The following XKR9 variants were observed in gnomAD, a reference collection of about 807,000 sequenced individuals.
XKR9 encodes XK-related protein 9.
Under a neutral mutation model 32.0 loss-of-function variants are expected in XKR9, and 32 were observed. That is an observed-to-expected ratio of 1.00 (90% confidence interval 0.76 to 1.34). XKR9 has a LOEUF of 1.34. XKR9 is among the 40% of genes most tolerant of loss of function. The probability of loss-of-function intolerance (pLI) is 0.00; values close to 1 mark genes in which losing one functional copy is unlikely to be tolerated. For synonymous variants in XKR9, 168 were observed against 143.4 expected, an observed-to-expected ratio of 1.17 and a Z score of -1.22; for missense variants, 546 against 429.7, an observed-to-expected ratio of 1.27 and a Z score of -2.39.
At chr8:70,768,744 A>G (rs967921817) in intron 2 of XKR9, among the ~76,000 whole-genome samples, 8 of 126,460 alleles carry the variant, frequency 6.3e-5, no homozygotes, top group Non-Finnish European at 1.8e-5. Context: ...ACAGGATTGA[A>G]ACCCCTGCTT....
At chr8:71,038,804 T>A in the XKR9 span, among the ~76,000 whole-genome samples, 1 of 123,008 alleles carries the variant, frequency 8.1e-6, no homozygotes, top group African/African-American at 3.6e-5. Flanking sequence ...TGGATGCTGA[T>A]TTTTTTTTTT....
the XKR9 span, among the ~76,000 whole-genome samples, chr8:71,002,197 G>A: frequency 6.6e-6 from 1 of 151,906 alleles, no homozygotes; most frequent in African/African-American, 2.4e-5. Context: ...AGTAAATGTA[G>A]TTAATTCTAT....
At chr8:70,669,716 G>A (rs1270559856) in intron 1 of XKR9, among the ~76,000 whole-genome samples, 178 bp downstream of exon 1, 3 of 143,254 alleles carry the variant, frequency 2.1e-5, no homozygotes, top group Non-Finnish European at 4.5e-5. Flanking sequence ...GCCCAGGCTG[G>A]AGTGCAGTGG....
the XKR9 span, among the ~76,000 whole-genome samples, chr8:70,932,334 C>T: frequency 3.3e-5 from 5 of 151,986 alleles, no homozygotes; most frequent in Admixed American, 1.3e-4. Flanking sequence ...AATTGCATCT[C>T]AGGAGATTAA....
At position 70,780,319 on chromosome 8, in the gene XKR9, A is replaced by G. The variant is rs549296356; in HGVS notation, n.353-9020A>G. Among the ~76,000 whole-genome samples the G allele has an allele frequency of 8.6e-5, 13 of 151,810 alleles. No homozygotes were observed. In the South Asian group the frequency reaches 2.7e-3, roughly 32 times the overall value. On this transcript the variant is annotated intron_variant and non_coding_transcript_variant, in intron 2 of 3. Coordinates refer to the XKR9 transcript ENST00000520273. ...TCCTAGCTCTTTAAGCTGGATGTTT[A>G]GATAATTTATTTTTGAACATTTATT... is the stretch of plus-strand genomic sequence containing the variant.
the XKR9 span, among the ~76,000 whole-genome samples, chr8:71,027,781 G>GT: frequency 3.0e-5 from 1 of 33,894 alleles, no homozygotes; most frequent in Admixed American, 2.0e-4. Flanking sequence ...TTTTTTGGCG[G>GT]GGGGGGGGGG....
the XKR9 span, among the ~76,000 whole-genome samples, chr8:70,947,038 C>T: frequency 2.0e-5 from 3 of 152,104 alleles, no homozygotes; most frequent in African/African-American, 4.8e-5. Flanking sequence ...CATAAGGCAG[C>T]ATCGGGAAAA....
chr8:71,014,553 C>G, the XKR9 span, among the ~76,000 whole-genome samples: 16 of 152,246 alleles, frequency 1.1e-4, no homozygotes, highest in African/African-American at 3.6e-4. Context: ...ATAAGAACAC[C>G]TGCCATTGGA....
In XKR9 at chr8:70,768,452, T is replaced by A. The variant is rs553565180; in HGVS notation, n.353-20887T>A. ...CTATTAGGTCCTCTTGGTCCAGAGCTGAGTTCAAGGCCTGAATATCCTTGT... is the reference window on the plus strand; with the variant it reads ...CTATTAGGTCCTCTTGGTCCAGAGCAGAGTTCAAGGCCTGAATATCCTTGT... On this transcript the variant is annotated intron_variant and non_coding_transcript_variant, in intron 2 of 3. Transcript: ENST00000520273. Among the ~76,000 whole-genome samples the A allele has an allele frequency of 2.6e-5, 4 of 152,214 alleles. No individual in the cohort carries two copies. The South Asian group carries it at 8.3e-4, about 32-fold the overall frequency.
the XKR9 span, among the ~76,000 whole-genome samples, chr8:70,870,755 C>A: frequency 2.2e-4 from 33 of 152,236 alleles, no homozygotes; most frequent in African/African-American, 7.9e-4. Flanking sequence ...ATGCATATTG[C>A]AAAATTTCCA....
At chr8:70,947,059 A>AAAATGGAAAATGG in the XKR9 span, among the ~76,000 whole-genome samples, 1 of 152,224 alleles carries the variant, frequency 6.6e-6, no homozygotes, top group South Asian at 2.1e-4. Context: ...CAAACAGATC[A>AAAATGGAAAATGG]AAATGGAAAA....
At chr8:70,857,270 A>G in the XKR9 span, among the ~76,000 whole-genome samples, 1 of 152,216 alleles carries the variant, frequency 6.6e-6, no homozygotes, top group Non-Finnish European at 1.5e-5. Context: ...AAATAGACAC[A>G]ATAAAAAATG....
At chr8:70,902,820 T>G in the XKR9 span, among the ~76,000 whole-genome samples, 2 of 152,228 alleles carry the variant, frequency 1.3e-5, no homozygotes, top group African/African-American at 4.8e-5. Flanking sequence ...CCTTGTTTAT[T>G]GAGAGTTTTT....
intron 2 of XKR9, among the ~76,000 whole-genome samples, chr8:70,757,364 T>C (rs1227891407): frequency 6.6e-6 from 1 of 152,176 alleles, no homozygotes; most frequent in Non-Finnish European, 1.5e-5. Flanking sequence ...ATCTTCCAGT[T>C]TGCAAGTTCT....
intron 2 of XKR9, among the ~76,000 whole-genome samples, chr8:70,743,702 C>G (rs887155849): frequency 6.6e-6 from 1 of 152,098 alleles, no homozygotes; most frequent in Non-Finnish European, 1.5e-5. Context: ...TCTGTTGGTT[C>G]TATTTTTCTC....
the XKR9 span, among the ~76,000 whole-genome samples, chr8:70,962,375 A>G: frequency 6.6e-6 from 1 of 152,108 alleles, no homozygotes; most frequent in East Asian, 1.9e-4. Context: ...GCCTCCTTCT[A>G]ATAGTCGTCA....
chr8:70,819,622 C>G, the XKR9 span, among the ~76,000 whole-genome samples: 1 of 152,142 alleles, frequency 6.6e-6, no homozygotes, highest in South Asian at 2.1e-4. Context: ...ATAGAAATAA[C>G]AGCTGTTTTA....
chr8:70,723,887 C>CTTTT (rs4008977), intron 4 of XKR9, among the ~76,000 whole-genome samples: 47 of 139,782 alleles, frequency 3.4e-4, no homozygotes, highest in Non-Finnish European at 5.1e-4. Flanking sequence ...TAGGTGGGAA[C>CTTTT]TTTTTTTTTT....
intron 3 of XKR9, among the ~76,000 whole-genome samples, chr8:70,701,722 G>T (rs1231052679): frequency 6.6e-6 from 1 of 152,184 alleles, no homozygotes; most frequent in Admixed American, 6.5e-5. Context: ...TTGAATTCAT[G>T]TTGGTAGATG....
Sources: allele counts gnomAD v4.1 joint callset (sites outside exome capture counted in the v4.1 genomes callset), GRCh38; gene constraint gnomAD v4.1.1; transcripts MANE v1.5; gene names NCBI Gene and HGNC (gene_info 2026-07-23, HGNC 2026-07-21).